Variants in NTSR1 observed in about 807,000 individuals in gnomAD.
NTSR1 encodes the protein neurotensin receptor 1.
A neutral mutation model predicts 31.2 loss-of-function variants in NTSR1; 29 were observed. That is an observed-to-expected ratio of 0.93 (90% confidence interval 0.69 to 1.27). The LOEUF (loss-of-function observed/expected upper bound fraction) is 1.27, where lower values mean the gene tolerates loss of function less well. Ranked by LOEUF, NTSR1 falls within the 50% of genes most tolerant of loss-of-function variation. The probability of loss-of-function intolerance (pLI) is 0.00; values close to 1 mark genes in which losing one functional copy is unlikely to be tolerated. For missense variants in NTSR1, 697 were observed against 595.4 expected, an observed-to-expected ratio of 1.17 and a Z score of -1.78; for synonymous variants, 282 against 269.9, an observed-to-expected ratio of 1.04 and a Z score of -0.44.
In NTSR1 at chr20:62,711,721, C is replaced by T. The variant is rs1341634975; in HGVS notation, c.714+1800C>T. On this transcript the variant is annotated intron_variant, in intron 1 of 3. Transcript: ENST00000370501. This position sits in a 1 kb window ranked among gnomAD's most constrained non-coding sequence, Gnocchi z 6.4. ...GTGAGGACAGCTCGGCTCCGCCCCCCGGAAAGTGTCCTCCCCGCGTGCGTG... is the reference window on the plus strand; with the variant it reads ...GTGAGGACAGCTCGGCTCCGCCCCCTGGAAAGTGTCCTCCCCGCGTGCGTG... Among the ~76,000 whole-genome samples the T allele has an allele frequency of 2.6e-5, 4 of 152,202 alleles. No individual in the cohort carries two copies. Among genetic ancestry groups the T allele is most frequent in the Non-Finnish European group, 5.9e-5 (4 of 68,034 alleles).
intron 1 of NTSR1, among the ~76,000 whole-genome samples, chr20:62,722,995 C>T (rs1223461198): frequency 6.6e-6 from 1 of 152,226 alleles, no homozygotes; most frequent in African/African-American, 2.4e-5. Context: ...AGGACAGCCA[C>T]TGTGTTTGAG....
chr20:62,740,939 G>A (rs1409922128), intron 1 of NTSR1, among the ~76,000 whole-genome samples: 1 of 152,206 alleles, frequency 6.6e-6, no homozygotes, highest in Non-Finnish European at 1.5e-5. Flanking sequence ...TGCTGGAGCA[G>A]CTGAAAAGCA....
chr20:62,760,042 C>G lies in NTSR1; in HGVS notation c.1032C>G (p.Tyr344Ter). 2.5e-6 allele frequency: 4 copies of G among 1,614,118 alleles called. No individual in the cohort carries two copies. Among genetic ancestry groups the G allele is most frequent in the Non-Finnish European group, 3.4e-6 (4 of 1,179,990 alleles). Residue 344 changes from tyrosine to a stop codon, truncating the protein, a stop_gained, in exon 4 of 4, where the codon TAC (tyrosine) becomes TAG (stop). Coordinates refer to ENST00000370501, the MANE Select transcript of NTSR1 (RefSeq NM_002531.3). LOFTEE classifies it high-confidence loss of function. ...WTPFLYDFYH[Y>*]FYMVTNALFY... Reference sequence around the variant, plus strand: ...GGTTCCTCTATGACTTCTACCACTACTTCTACATGGTGACCAACGCACTCT... The same window carrying G: ...GGTTCCTCTATGACTTCTACCACTAGTTCTACATGGTGACCAACGCACTCT...
chr20:62,724,388 C>A (rs560946495), intron 1 of NTSR1, among the ~76,000 whole-genome samples: 1 of 152,116 alleles, frequency 6.6e-6, no homozygotes, highest in Admixed American at 6.5e-5. Flanking sequence ...CCTACCCTGG[C>A]GAACCTGCCA....
chr20:62,747,946 C>T (rs968272380), intron 1 of NTSR1, among the ~76,000 whole-genome samples: 5 of 152,144 alleles, frequency 3.3e-5, no homozygotes, highest in Admixed American at 3.3e-4. Flanking sequence ...GAGCCCGAGG[C>T]GGGTGGATCA....
chr20:62,728,705 A>G (rs1241414398), intron 1 of NTSR1, among the ~76,000 whole-genome samples: 2 of 152,132 alleles, frequency 1.3e-5, no homozygotes, highest in Non-Finnish European at 2.9e-5. Flanking sequence ...CTGAGTCGCG[A>G]AGGGCAGGCC....
In NTSR1 at chr20:62,714,895, T is replaced by C. The variant is rs1988684259; in HGVS notation, c.714+4974T>C. 1.3e-5 allele frequency among the ~76,000 whole-genome samples: 2 copies of C among 152,176 alleles called. No homozygotes were observed. Among genetic ancestry groups the C allele is most frequent in the African/African-American group, 4.8e-5 (2 of 41,442 alleles). On this transcript the variant is annotated intron_variant, in intron 1 of 3. Transcript: ENST00000370501. The surrounding 1 kb of genome is among the most constrained non-coding windows in gnomAD (Gnocchi z 4.1). Reference sequence around the variant, plus strand: ...TAGGTAGTGAATAGCTACAAATTCTTGTTGTCCAGAGCTGTTGTGGGTATG... The same window carrying C: ...TAGGTAGTGAATAGCTACAAATTCTCGTTGTCCAGAGCTGTTGTGGGTATG...
chr20:62,754,388 T>C (rs1442214713), intron 1 of NTSR1, among the ~76,000 whole-genome samples: 1 of 152,182 alleles, frequency 6.6e-6, no homozygotes, highest in East Asian at 1.9e-4. Flanking sequence ...AGTGGTTGTG[T>C]TCCTTGCTGT....
intron 1 of NTSR1, among the ~76,000 whole-genome samples, chr20:62,717,402 C>A (rs1413964138): frequency 6.6e-6 from 1 of 152,230 alleles, no homozygotes; most frequent in African/African-American, 2.4e-5. Context: ...GGGTTGTCCC[C>A]AGTGGCTTGG....
chr20:62,724,192 G>A (rs1033398703), intron 1 of NTSR1, among the ~76,000 whole-genome samples: 1 of 152,218 alleles, frequency 6.6e-6, no homozygotes, highest in Non-Finnish European at 1.5e-5. Flanking sequence ...CCTGGGAGGA[G>A]CCAAACTGCA....
rs1266079696 is a variant in NTSR1, at chr20:62,741,042, G to A, written c.715-13643G>A. Reference sequence around the variant, plus strand: ...GCTCAGCGAGGGGAGGGCCGTTCCCGGGGCTGAGGGCCAGGGGCCTCCCCT... The same window carrying A: ...GCTCAGCGAGGGGAGGGCCGTTCCCAGGGCTGAGGGCCAGGGGCCTCCCCT... On this transcript the variant is annotated intron_variant, in intron 1 of 3. Coordinates refer to ENST00000370501, the MANE Select transcript of NTSR1 (RefSeq NM_002531.3). The surrounding 1 kb of genome is among the most constrained non-coding windows in gnomAD (Gnocchi z 4.3). Among the ~76,000 whole-genome samples, 2 of 152,198 alleles carry A rather than the reference G, an allele frequency of 1.3e-5. No homozygotes were observed. Among genetic ancestry groups the A allele is most frequent in the Non-Finnish European group, 2.9e-5 (2 of 68,028 alleles).
chr20:62,735,712 C>T (rs11086121), intron 1 of NTSR1, among the ~76,000 whole-genome samples: 39,422 of 152,058 alleles, frequency 0.26, 5,734 homozygotes, highest in Admixed American at 0.35. Flanking sequence ...GGAGTCCCCC[C>T]GACACGGCGA....
At chr20:62,722,000 T>C (rs1988833689) in intron 1 of NTSR1, among the ~76,000 whole-genome samples, 1 of 152,224 alleles carries the variant, frequency 6.6e-6, no homozygotes, top group South Asian at 2.1e-4. Flanking sequence ...TCTGTTTCAA[T>C]GGACTCATTT....
In NTSR1 at chr20:62,708,938, C is replaced by T; in HGVS notation, c.-270C>T. ...GGAGGCACCTGGAACCCGTGGCAAG[C>T]GCCGAGCCGGGAGACAGCCCGAGGA... On this transcript the variant is annotated 5_prime_UTR_variant, in exon 1 of 4. Coordinates refer to ENST00000370501, the MANE Select transcript of NTSR1 (RefSeq NM_002531.3). This position sits in a 1 kb window ranked among gnomAD's most constrained non-coding sequence, Gnocchi z 5.9. 1 of 392,284 alleles carries T rather than the reference C, an allele frequency of 2.5e-6. No individual in the cohort carries two copies. Among genetic ancestry groups the T allele is most frequent in the Non-Finnish European group, 4.5e-6 (1 of 222,528 alleles). 24.3% of individuals were successfully genotyped at this position (392,284 alleles called of 1,614,324 possible).
At chr20:62,730,736 C>A (rs571464560) in intron 1 of NTSR1, among the ~76,000 whole-genome samples, 12 of 152,328 alleles carry the variant, frequency 7.9e-5, no homozygotes, top group East Asian at 5.8e-4. Context: ...TGCTCCGCAG[C>A]CTTGCCAGCG....
intron 1 of NTSR1, among the ~76,000 whole-genome samples, chr20:62,719,242 G>C (rs1176843671): frequency 1.3e-5 from 2 of 151,912 alleles, no homozygotes; most frequent in East Asian, 3.9e-4. Context: ...GTGAATGAAT[G>C]TTAAATTTTG....
At chr20:62,739,098 C>T (rs1344191805) in intron 1 of NTSR1, among the ~76,000 whole-genome samples, 2 of 152,210 alleles carry the variant, frequency 1.3e-5, no homozygotes, top group East Asian at 1.9e-4. Context: ...GTGAGGGAGA[C>T]GCGTGTGGAA....
rs1306704867 is a variant in NTSR1 at position 62,745,805 on chromosome 20, T to C, written c.715-8880T>C. Among the ~76,000 whole-genome samples the C allele has an allele frequency of 2.0e-5, 3 of 152,244 alleles. No homozygotes were observed. Among genetic ancestry groups the C allele is most frequent in the African/African-American group, 7.2e-5 (3 of 41,466 alleles). ...GCTGTTGGCCATGACCCTCCCCTGC[T>C]GCTTGGAATTGCAAAGCCAGGCGGT... On this transcript the variant is annotated intron_variant, in intron 1 of 3. Coordinates refer to ENST00000370501, the MANE Select transcript of NTSR1 (RefSeq NM_002531.3). The surrounding 1 kb of genome is among the most constrained non-coding windows in gnomAD (Gnocchi z 4.1).
At chr20:62,739,922 G>T (rs1293494961) in intron 1 of NTSR1, among the ~76,000 whole-genome samples, 1 of 152,228 alleles carries the variant, frequency 6.6e-6, no homozygotes, top group Non-Finnish European at 1.5e-5. Flanking sequence ...CCAAATCTGT[G>T]CTCTGACATG....
Sources: gnomAD v4.1 joint callset for allele counts (sites outside exome capture counted in the v4.1 genomes callset) on GRCh38, gnomAD v4.1.1 for gene constraint, Gnocchi (gnomAD v3.1) non-coding constraint, MANE v1.5 for transcripts, NCBI Gene and HGNC (gene_info 2026-07-23, HGNC 2026-07-21) for gene names.